The following ANKS1B variants were observed in gnomAD, a reference collection of about 807,000 sequenced individuals.
The protein encoded by ANKS1B is ankyrin repeat and sterile alpha motif domain-containing protein 1B.
ANKS1B carries 36 observed loss-of-function variants against 148.3 expected under a neutral mutation model. That is an observed-to-expected ratio of 0.24 (90% CI 0.19 to 0.32). The LOEUF is 0.32. Among genes scored for constraint, ANKS1B ranks in the 10% least tolerant of loss-of-function variants. The pLI is 1.00. For missense variants in ANKS1B, 1,157 were observed against 1,542.6 expected (o/e 0.75, Z 4.19); for synonymous variants, 542 against 560.8 (o/e 0.97, Z 0.47).
chr12:99,402,553 G>A (rs1272754914), intron 11 of ANKS1B, among the ~76,000 whole-genome samples: 1 of 145,344 alleles, frequency 6.9e-6, no homozygotes, highest in Non-Finnish European at 1.5e-5. Flanking sequence ...TCCCAGTGAT[G>A]AGTGAGAACA....
intron 2 of ANKS1B, among the ~76,000 whole-genome samples, chr12:99,823,277 T>C (rs1377001825): frequency 6.6e-6 from 1 of 152,112 alleles, no homozygotes; most frequent in Non-Finnish European, 1.5e-5. Flanking sequence ...GCAGAAGTGC[T>C]TTAGTTTAAT....
At chr12:99,303,957 T>C (rs2154022082) in intron 12 of ANKS1B, among the ~76,000 whole-genome samples, 1 of 152,294 alleles carries the variant, frequency 6.6e-6, no homozygotes. Flanking sequence ...AATGCCATTA[T>C]TTCATTCCTT....
At chr12:99,504,401 A>G in intron 10 of ANKS1B, 75 bp downstream of exon 10, 1 of 1,484,298 alleles carries the variant, frequency 6.7e-7, no homozygotes. Flanking sequence ...GTAGGAAACC[A>G]AAATGTTAAT....
intron 8 of ANKS1B, among the ~76,000 whole-genome samples, chr12:99,764,808 AG>A (rs1448895968): frequency 6.6e-6 from 1 of 152,194 alleles, no homozygotes; most frequent in Non-Finnish European, 1.5e-5. Flanking sequence ...CTAGAAATGA[AG>A]GGTCTTGAAT....
chr12:98,856,834 G>T (rs955162526), intron 17 of ANKS1B, among the ~76,000 whole-genome samples: 1 of 152,174 alleles, frequency 6.6e-6, no homozygotes, highest in Admixed American at 6.5e-5. Flanking sequence ...CAATAGGAAG[G>T]TGCATCATCA....
intron 1 of ANKS1B, among the ~76,000 whole-genome samples, chr12:99,979,432 C>T (rs2095666503): frequency 6.6e-6 from 1 of 152,098 alleles, no homozygotes; most frequent in Non-Finnish European, 1.5e-5. Flanking sequence ...TGCCAAGAAT[C>T]TAATTCTTCC....
intron 17 of ANKS1B, among the ~76,000 whole-genome samples, chr12:99,036,111 A>G (rs916396354): frequency 5.3e-5 from 8 of 152,118 alleles, no homozygotes; most frequent in African/African-American, 1.9e-4. Flanking sequence ...CTCTGTGTGC[A>G]CAGTGATTTT....
chr12:99,490,714 TAC>T (rs778995134), intron 10 of ANKS1B, among the ~76,000 whole-genome samples: 31 of 152,338 alleles, frequency 2.0e-4, no homozygotes, highest in South Asian at 6.2e-4. Flanking sequence ...TTTTTAAACA[TAC>T]AGTGTGACTG....
intron 9 of ANKS1B, among the ~76,000 whole-genome samples, chr12:99,642,142 C>A (rs2098314435): frequency 6.6e-6 from 1 of 152,026 alleles, no homozygotes; most frequent in Non-Finnish European, 1.5e-5. Context: ...TTTCCAAAGG[C>A]AAAATTATAG....
At chr12:98,853,443 G>A (rs1043786717) in intron 17 of ANKS1B, among the ~76,000 whole-genome samples, 5 of 152,106 alleles carry the variant, frequency 3.3e-5, no homozygotes, top group African/African-American at 9.7e-5. Context: ...CCATCACAAC[G>A]TAAGCATGCT....
intron 9 of ANKS1B, among the ~76,000 whole-genome samples, chr12:99,588,880 G>C (rs1041748959): frequency 6.6e-6 from 1 of 152,134 alleles, no homozygotes; most frequent in Non-Finnish European, 1.5e-5. Flanking sequence ...ATATTAAACT[G>C]ATATATTTTT....
intron 10 of ANKS1B, among the ~76,000 whole-genome samples, chr12:99,462,852 G>C (rs1234975831): frequency 1.3e-5 from 2 of 152,066 alleles, no homozygotes; most frequent in African/African-American, 4.8e-5. Context: ...AAAGAGTCTA[G>C]GATCTACCTC....
At chr12:99,292,211 G>T (rs1359813943) in intron 12 of ANKS1B, among the ~76,000 whole-genome samples, 3 of 151,918 alleles carry the variant, frequency 2.0e-5, no homozygotes, top group Admixed American at 2.0e-4. Flanking sequence ...CCATCAGATT[G>T]GCTGGGCATG....
intron 1 of ANKS1B, among the ~76,000 whole-genome samples, chr12:99,825,738 T>C (rs926267434): frequency 4.6e-5 from 7 of 152,202 alleles, no homozygotes; most frequent in African/African-American, 1.4e-4. Flanking sequence ...TACCAAAGAA[T>C]AAAGATTTAT....
chr12:99,494,958 A>C (rs1261163816), intron 10 of ANKS1B, among the ~76,000 whole-genome samples: 5 of 152,114 alleles, frequency 3.3e-5, no homozygotes, highest in Admixed American at 2.0e-4. Context: ...ACAAAGTTCC[A>C]TCTGGTAAAT....
intron 15 of ANKS1B, among the ~76,000 whole-genome samples, chr12:99,128,765 A>G (rs940948732): frequency 6.6e-6 from 1 of 152,196 alleles, no homozygotes; most frequent in African/African-American, 2.4e-5. Flanking sequence ...TTGTGGTAGA[A>G]AGGAGAGAGA....
chr12:99,104,364 T>C (rs2058676323), intron 15 of ANKS1B, among the ~76,000 whole-genome samples: 1 of 152,228 alleles, frequency 6.6e-6, no homozygotes, highest in Non-Finnish European at 1.5e-5. Context: ...TAAATAGTAG[T>C]AATAACTATA....
intron 9 of ANKS1B, among the ~76,000 whole-genome samples, chr12:99,615,180 C>G (rs1008928012): frequency 7.3e-5 from 11 of 151,658 alleles, no homozygotes; most frequent in Middle Eastern, 3.4e-3. Context: ...ATTACACAGA[C>G]AGACAGACAG....
intron 17 of ANKS1B, among the ~76,000 whole-genome samples, chr12:98,875,631 T>C (rs748683374): frequency 6.6e-6 from 1 of 152,196 alleles, no homozygotes; most frequent in Non-Finnish European, 1.5e-5. Flanking sequence ...CATGCAATTT[T>C]TTCTACTCTA....
Sources: allele counts gnomAD v4.1 joint callset (sites outside exome capture counted in the v4.1 genomes callset), GRCh38; gene constraint gnomAD v4.1.1; transcripts MANE v1.5; gene names NCBI Gene and HGNC (gene_info 2026-07-23, HGNC 2026-07-21).